NBAS: variants seen among roughly 807,000 people sequenced by gnomAD.
The protein encoded by NBAS is NAG/BC035112 fusion.
Under a neutral mutation model 302.5 loss-of-function variants are expected in NBAS, and 219 were observed. The ratio of observed to expected loss-of-function variants is 0.72; its 90% CI spans 0.65 to 0.81. The LOEUF (loss-of-function observed/expected upper bound fraction) is 0.81. NBAS is among the 30% of genes least tolerant of loss of function. NBAS has a pLI of 0.00. For synonymous variants in NBAS, 1,118 were observed against 1,021.6 expected, an observed-to-expected ratio of 1.09 and a Z score of -1.80; for missense variants, 2,932 against 2,841.6, an observed-to-expected ratio of 1.03 and a Z score of -0.72.
the NBAS span, among the ~76,000 whole-genome samples, chr2:15,084,040 CT>C: frequency 8.7e-4 from 127 of 146,102 alleles, no homozygotes; most frequent in East Asian, 0.012. Flanking sequence ...TGAACAATTG[CT>C]TTTTTTTTTT....
At chr2:15,273,074 C>T (rs1213419858) in intron 44 of NBAS, among the ~76,000 whole-genome samples, 3 of 152,164 alleles carry the variant, frequency 2.0e-5, no homozygotes, top group African/African-American at 7.2e-5. Flanking sequence ...TAGCAGACAG[C>T]CCCAGATGAT....
At chr2:15,352,410 G>A (rs576285831) in intron 34 of NBAS, among the ~76,000 whole-genome samples, 5 of 152,284 alleles carry the variant, frequency 3.3e-5, no homozygotes, top group African/African-American at 9.6e-5. Flanking sequence ...AAAAGAGACC[G>A]AGGCGAGTTT....
rs116640525 is a variant in NBAS at position 15,282,537 on chromosome 2, T to A, written c.5138+4536A>T. Among the ~76,000 whole-genome samples the A allele has an allele frequency of 3.0e-3, 452 of 152,232 alleles. 1 individual carries two copies. The highest frequency in any genetic ancestry group is 5.2e-3 in the Non-Finnish European group (352 of 68,016). On this transcript the variant is annotated intron_variant, in intron 42 of 51. Coordinates refer to ENST00000281513, the MANE Select transcript of NBAS (RefSeq NM_015909.4). ...CAGCTCTGGAAAACAGCACAGCACA[T>A]TCAGAGTCCCTATGACCTGGGACCC...
At chr2:14,942,118 C>T in the NBAS span, among the ~76,000 whole-genome samples, 1 of 152,164 alleles carries the variant, frequency 6.6e-6, no homozygotes, top group Non-Finnish European at 1.5e-5. Context: ...GGGTGATTTT[C>T]CAAAAGTTTA....
chr2:15,138,551 C>A, the NBAS span, among the ~76,000 whole-genome samples: 1 of 152,108 alleles, frequency 6.6e-6, no homozygotes, highest in African/African-American at 2.4e-5. Flanking sequence ...TGGCATGGGA[C>A]AAAGAGCCCA....
At chr2:14,789,312 C>T in the NBAS span, among the ~76,000 whole-genome samples, 5 of 152,190 alleles carry the variant, frequency 3.3e-5, no homozygotes, top group Non-Finnish European at 4.4e-5. Flanking sequence ...CACCCTGCTT[C>T]GGCTGGCACA....
intron 31 of NBAS, among the ~76,000 whole-genome samples, chr2:15,369,379 A>T (rs77543542): frequency 6.6e-6 from 1 of 152,188 alleles, no homozygotes; most frequent in African/African-American, 2.4e-5. Context: ...CATTTAATGG[A>T]ACACTCAAGT....
At chr2:15,477,169 T>C in intron 13 of NBAS, among the ~76,000 whole-genome samples, 1 of 152,232 alleles carries the variant, frequency 6.6e-6, no homozygotes, top group East Asian at 1.9e-4. Context: ...TCTGGATGAA[T>C]ATTTTGGATG....
chr2:15,375,511 A>G (rs1263091714), intron 30 of NBAS, among the ~76,000 whole-genome samples: 1 of 152,172 alleles, frequency 6.6e-6, no homozygotes, highest in African/African-American at 2.4e-5. Flanking sequence ...TGACTGAGTG[A>G]CAGATACAGG....
chr2:14,800,407 G>C, the NBAS span, among the ~76,000 whole-genome samples: 1 of 152,294 alleles, frequency 6.6e-6, no homozygotes, highest in South Asian at 2.1e-4. Flanking sequence ...CTTCCGCCAT[G>C]ATTGTGATGC....
the NBAS span, among the ~76,000 whole-genome samples, chr2:14,954,181 A>C: frequency 6.6e-6 from 1 of 152,236 alleles, no homozygotes; most frequent in Non-Finnish European, 1.5e-5. Flanking sequence ...CTGAAAAAGT[A>C]CAAACAGAAT....
At chr2:14,788,958 GC>G in the NBAS span, among the ~76,000 whole-genome samples, 1 of 152,254 alleles carries the variant, frequency 6.6e-6, no homozygotes, top group Admixed American at 6.5e-5. Context: ...AGGCAGGCAG[GC>G]GTCCTTGAGC....
chr2:14,784,750 C>T, the NBAS span, among the ~76,000 whole-genome samples: 5 of 152,272 alleles, frequency 3.3e-5, no homozygotes, highest in East Asian at 5.8e-4. Flanking sequence ...AGTCAGGTAG[C>T]ATGATGCCTC....
In NBAS at chr2:15,396,437, A is replaced by G. The variant is rs768636937; in HGVS notation, c.3110T>C (p.Val1037Ala). Reference sequence around the variant, plus strand: ...CCTGAGAATTTGTTCCAGTTGGTCTACCATGTCATGAAGCTTTGTGGTTGC... The same window carrying G: ...CCTGAGAATTTGTTCCAGTTGGTCTGCCATGTCATGAAGCTTTGTGGTTGC... ...TEATTKLHDM[V>A]DQLEQILSVS... The change falls in exon 27 of 52, where the codon GTA becomes GCA. Residue 1037 changes from valine (V) to alanine (A), a missense_variant. Transcript: ENST00000281513. 6.8e-6 allele frequency: 11 copies of G among 1,606,526 alleles called. No homozygotes were observed. Among genetic ancestry groups the G allele is most frequent in the Non-Finnish European group, 8.5e-7 (1 of 1,177,014 alleles).
intron 1 of NBAS, among the ~76,000 whole-genome samples, chr2:15,560,353 T>A (rs1664852406): frequency 6.6e-6 from 1 of 152,084 alleles, no homozygotes; most frequent in African/African-American, 2.4e-5. Context: ...AATCCCAAGA[T>A]CCAGTCCATA....
At position 15,341,398 on chromosome 2, in the gene NBAS, AAATG is replaced by A. The variant is rs1472287922; in HGVS notation, c.4179+10590_4179+10593del. 9.7e-5 allele frequency among the ~76,000 whole-genome samples: 9 copies of A among 92,726 alleles called. No individual in the cohort carries two copies. In the East Asian group the frequency reaches 1.1e-3, roughly 12 times the overall value. The allele number at this position is 92,726 out of a possible 152,430, so 60.8% of individuals were successfully genotyped here. On this transcript the variant is annotated intron_variant, in intron 35 of 51. Transcript: ENST00000281513. Reference sequence around the variant, plus strand: ...GAGACACTATCTCTAATAAATAAATAAATGAATAAATAAATAAATAAATAAATAA... The same window carrying A: ...GAGACACTATCTCTAATAAATAAATAAATAAATAAATAAATAAATAAATAA...
chr2:14,824,618 G>A, the NBAS span, among the ~76,000 whole-genome samples: 6 of 152,148 alleles, frequency 3.9e-5, no homozygotes, highest in Non-Finnish European at 7.4e-5. Flanking sequence ...ACCTGAGTCA[G>A]AATCTGCATT....
chr2:14,880,160 A>G, the NBAS span, among the ~76,000 whole-genome samples: 1 of 152,178 alleles, frequency 6.6e-6, no homozygotes, highest in Non-Finnish European at 1.5e-5. Context: ...TTTAAAAACC[A>G]TATACAGATG....
chr2:15,356,171 C>A, intron 33 of NBAS, 132 bp downstream of exon 33: 1 of 737,632 alleles, frequency 1.4e-6, no homozygotes, highest in East Asian at 2.6e-5. Flanking sequence ...CTTACCAGTG[C>A]TCATAAAATG....
Sources: allele counts gnomAD v4.1 joint callset (sites outside exome capture counted in the v4.1 genomes callset), GRCh38; gene constraint gnomAD v4.1.1; transcripts MANE v1.5; gene names NCBI Gene and HGNC (gene_info 2026-07-23, HGNC 2026-07-21).